The following PAX1 variants were observed in gnomAD, a reference collection of about 807,000 sequenced individuals.
PAX1 encodes the protein paired box 1, also known as paired box protein Pax-1.
A neutral mutation model predicts 35.6 loss-of-function variants in PAX1; 18 were observed. The ratio of observed to expected loss-of-function variants is 0.50; its 90% CI spans 0.35 to 0.75. The LOEUF (loss-of-function observed/expected upper bound fraction) is 0.75. Among genes scored for constraint, PAX1 ranks in the 30% least tolerant of loss-of-function variants. The probability of loss-of-function intolerance (pLI) is 0.01; values close to 1 mark genes in which losing one functional copy is unlikely to be tolerated. For synonymous variants in PAX1, 397 were observed against 305.2 expected, an observed-to-expected ratio of 1.30 and a Z score of -3.14; for missense variants, 760 against 661.5, an observed-to-expected ratio of 1.15 and a Z score of -1.63.
At chr20:21,713,378 T>TGTGTGTGTGTGTGTGTGTG (rs770998874) in intron 4 of PAX1, among the ~76,000 whole-genome samples, 41 of 138,050 alleles carry the variant, frequency 3.0e-4, no homozygotes, top group African/African-American at 1.1e-3. Context: ...GTTTTCTTTT[T>TGTGTGTGTGTGTGTGTGTG]TTTTTGTGTG....
rs1022244844 is a variant in PAX1, at chr20:21,714,358, C to G, written c.1283-113C>G. On this transcript the variant is annotated intron_variant, in intron 4 of 4. Coordinates refer to ENST00000613128, the MANE Select transcript of PAX1 (RefSeq NM_001257096.2). Reference sequence around the variant, plus strand: ...GAGTCTCTGCTTCACTCTTCCAGAGCCTTCAAGGGTTGAGCGCTCACGACC... The same window carrying G: ...GAGTCTCTGCTTCACTCTTCCAGAGGCTTCAAGGGTTGAGCGCTCACGACC... The G allele has an allele frequency of 6.8e-6, 5 of 735,412 alleles. No individual in the cohort carries two copies. In the South Asian group the frequency reaches 9.3e-5, roughly 14 times the overall value. The allele number at this position is 735,412 out of a possible 1,614,324, so 45.6% of individuals were successfully genotyped here. A position where few individuals can be genotyped will look rare whatever the true frequency, so the allele number is the denominator to read the frequency against.
chr20:21,708,600 T>C lies in PAX1; in HGVS notation c.959T>C (p.Met320Thr). The change falls in exon 3 of 5, where the codon ATG (methionine) becomes ACG (threonine). Residue 320 changes from methionine (M) to threonine (T), a missense_variant. Met to Thr is a moderately conservative substitution (Grantham distance 81). Around this residue, in one of 3 missense-constraint regions of PAX1, gnomAD observed 490 missense variants for 428.4 expected, o/e 1.14. Transcript: ENST00000613128. ...GSEGTAYSPK[M>T]EDWAGVNRTA... ...GAAGGCACCGCTTACTCTCCCAAGATGGAAGACTGGGCCGGCGTGAACCGC... is the reference window on the plus strand; with the variant it reads ...GAAGGCACCGCTTACTCTCCCAAGACGGAAGACTGGGCCGGCGTGAACCGC... 2.5e-6 allele frequency: 4 copies of C among 1,613,804 alleles called. No homozygotes were observed. The highest frequency in any genetic ancestry group is 3.4e-6 in the Non-Finnish European group (4 of 1,180,038).
intron 4 of PAX1, among the ~76,000 whole-genome samples, chr20:21,713,905 C>A (rs548571285): frequency 6.6e-6 from 1 of 152,374 alleles, no homozygotes; most frequent in Admixed American, 6.5e-5. Flanking sequence ...CTGCCTCCTA[C>A]GTCGGAGGAA....
Position 21,705,771 on chromosome 20 carries a change from C to G in PAX1, c.59C>G (p.Ala20Gly). The G allele has an allele frequency of 7.9e-7, 1 of 1,262,462 alleles. No homozygotes were observed. Among genetic ancestry groups the G allele is most frequent in the Non-Finnish European group, 1.0e-6 (1 of 1,003,110 alleles). 78.2% of individuals were successfully genotyped at this position (1,262,462 alleles called of 1,614,324 possible). ...RAWRVSWEGAAAAAAGPGAGG... is the reference protein window; with the variant it reads ...RAWRVSWEGAGAAAAGPGAGG... ...TGGAGAGTGTCCTGGGAGGGGGCAG[C>G]AGCGGCGGCGGCAGGCCCTGGAGCG... Residue 20 changes from alanine (A) to glycine (G), a missense_variant, in exon 1 of 5, where the codon GCA (alanine) becomes GGA (glycine). This residue lies in a region of PAX1 where 222 missense variants were observed against 153.0 expected (regional missense o/e 1.45). Transcript: ENST00000613128.
Position 21,714,492 on chromosome 20 carries a change from G to A in PAX1, c.1304G>A (p.Ser435Asn). Residue 435 changes from serine (S) to asparagine (N), a missense_variant, in exon 5 of 5, where the codon AGC becomes AAC. Coordinates refer to ENST00000613128, the MANE Select transcript of PAX1 (RefSeq NM_001257096.2). ...GCAGTGGCTGACAGGAAGCCTCCCA[G>A]CTCCGGCAGCAAGGCCCCGGACGCC... Reference protein sequence around the residue: ...SREVADRKPPSSGSKAPDALS... With the variant: ...SREVADRKPPNSGSKAPDALS... The A allele has an allele frequency of 6.3e-7, 1 of 1,588,268 alleles. No homozygotes were observed. The highest frequency in any genetic ancestry group is 8.6e-7 in the Non-Finnish European group (1 of 1,169,404).
intron 4 of PAX1, among the ~76,000 whole-genome samples, chr20:21,710,346 C>T (rs983601436): frequency 6.6e-6 from 1 of 152,142 alleles, no homozygotes; most frequent in African/African-American, 2.4e-5. Flanking sequence ...AAAGGAATGG[C>T]TTGATTTGCT....
At chr20:21,714,428 G>C in intron 4 of PAX1, 43 bp from the exon 5 acceptor site, 1 of 1,446,962 alleles carries the variant, frequency 6.9e-7, no homozygotes. Context: ...CGCACTGCGC[G>C]GCGCTAGGTA....
chr20:21,713,102 G>A (rs919505313), intron 4 of PAX1, among the ~76,000 whole-genome samples: 1 of 152,156 alleles, frequency 6.6e-6, no homozygotes. Flanking sequence ...GTCTTCCTGG[G>A]TGTTTATTTT....
In PAX1 at chr20:21,717,958, T is replaced by C. The variant is rs910972666; in HGVS notation, c.*3396T>C. 2.0e-5 allele frequency: 3 copies of C among 152,216 alleles called. No homozygotes were observed. The highest frequency in any genetic ancestry group is 7.2e-5 in the African/African-American group (3 of 41,452). 9.4% of individuals were successfully genotyped at this position (152,216 alleles called of 1,614,324 possible). ...AAAATATGTTTCTGTCTATGTGTTA[T>C]TTGAAAGTGCACACTAATGAGTTGT... On this transcript the variant is annotated 3_prime_UTR_variant, in exon 5 of 5. Transcript: ENST00000613128.
rs1985089984 is a variant in PAX1 at position 21,708,558 on chromosome 20, G to T, written c.917G>T (p.Gly306Val). The change falls in exon 3 of 5, where the codon GGG becomes GTG. Residue 306 changes from glycine to valine, a missense_variant and splice_region_variant. Physicochemically the swap from Gly to Val is moderately radical, Grantham distance 109 (BLOSUM62 -3). Around this residue, in one of 3 missense-constraint regions of PAX1, gnomAD observed 490 missense variants for 428.4 expected, o/e 1.14. Transcript: ENST00000613128. ...LGIRTFMEQTGALAGSEGTAY... is the reference protein window; with the variant it reads ...LGIRTFMEQTVALAGSEGTAY... ...TTAATCCGTCCTCTCTCTCCTGCAG[G>T]GGCCCTGGCTGGGAGCGAAGGCACC... 1.2e-6 allele frequency: 2 copies of T among 1,613,474 alleles called. No homozygotes were observed. The highest frequency in any genetic ancestry group is 2.7e-5 in the African/African-American group (2 of 74,920).
At chr20:21,709,133 A>G (rs1001227998) in intron 3 of PAX1, 89 bp from the exon 4 acceptor site, 3 of 1,011,024 alleles carry the variant, frequency 3.0e-6, no homozygotes, top group East Asian at 2.4e-5. Context: ...TGGGGGAGCG[A>G]TAATGGACGA....
intron 4 of PAX1, among the ~76,000 whole-genome samples, chr20:21,712,047 A>G (rs1389962549): frequency 6.6e-6 from 1 of 152,210 alleles, no homozygotes; most frequent in African/African-American, 2.4e-5. Context: ...GCAATTTAAT[A>G]CAATAAATGC....
chr20:21,709,462 T>A lies in PAX1; in HGVS notation c.1282+18T>A. The A allele has an allele frequency of 6.7e-7, 1 of 1,491,718 alleles. No homozygotes were observed. The allele number at this position is 1,491,718 out of a possible 1,614,324, so 92.4% of individuals were successfully genotyped here. On this transcript the variant is annotated intron_variant, in intron 4 of 4. Transcript: ENST00000613128. ...CCGAGAAGGTGAGGAGCGCAGGGAG[T>A]GGGGCGGGTGGATGCTGGAAGGGTT...
rs1180486729 is a variant in PAX1, at chr20:21,706,091, G to A, written c.286+93G>A. ...TCCCTCTCGTCCGCTTTCCCTGGGC[G>A]ACCCAGTCCTGGGTCCTGGAGAAGC... On this transcript the variant is annotated intron_variant, in intron 1 of 4. Transcript: ENST00000613128. The surrounding 1 kb of genome is among the most constrained non-coding windows in gnomAD (Gnocchi z 5.3). The A allele has an allele frequency of 9.2e-6, 10 of 1,091,072 alleles. No individual in the cohort carries two copies. Among genetic ancestry groups the A allele is most frequent in the Non-Finnish European group, 1.3e-5 (10 of 771,916 alleles). The allele number at this position is 1,091,072 out of a possible 1,614,324, so 67.6% of individuals were successfully genotyped here.
rs1005426742 is a variant in PAX1, at chr20:21,716,394, A to C, written c.*1832A>C. ...GGTCCCACCTAGGGGACTAGTGGTA[A>C]ACAGTTTTTGTTTCAACTCTTTTTG... On this transcript the variant is annotated 3_prime_UTR_variant, in exon 5 of 5. Coordinates refer to ENST00000613128, the MANE Select transcript of PAX1 (RefSeq NM_001257096.2). 6.6e-6 allele frequency: 1 copy of C among 152,112 alleles called. No individual in the cohort carries two copies. The highest frequency in any genetic ancestry group is 6.5e-5 in the Admixed American group (1 of 15,268). 9.4% of individuals were successfully genotyped at this position (152,112 alleles called of 1,614,324 possible).
At position 21,706,245 on chromosome 20, in the gene PAX1, G is replaced by A. The variant is rs1422590904; in HGVS notation, c.287-193G>A. ...TACAATGCGCCGCGCTCCACTCCGC[G>A]GCTCCTCTGCGCCCTTGCCCACTCC... is the stretch of plus-strand genomic sequence containing the variant. On this transcript the variant is annotated intron_variant, in intron 1 of 4. Coordinates refer to ENST00000613128, the MANE Select transcript of PAX1 (RefSeq NM_001257096.2). This position sits in a 1 kb window ranked among gnomAD's most constrained non-coding sequence, Gnocchi z 5.3. 2 of 827,068 alleles carry A rather than the reference G, an allele frequency of 2.4e-6. No individual in the cohort carries two copies. The highest frequency in any genetic ancestry group is 4.0e-6 in the Non-Finnish European group (2 of 497,818). The allele number at this position is 827,068 out of a possible 1,614,324, so 51.2% of individuals were successfully genotyped here. A position where few individuals can be genotyped will look rare whatever the true frequency, so the allele number is the denominator to read the frequency against.
intron 3 of PAX1, among the ~76,000 whole-genome samples, 186 bp downstream of exon 3, chr20:21,708,886 T>C (rs1429106404): frequency 1.3e-5 from 2 of 152,138 alleles, no homozygotes; most frequent in African/African-American, 2.4e-5. Context: ...AGTCTGACTT[T>C]AGAGGGGTTG....
In PAX1 at chr20:21,709,261, G is replaced by A; in HGVS notation, c.1099G>A (p.Ala367Thr). 1 of 1,606,374 alleles carries A rather than the reference G, an allele frequency of 6.2e-7. No homozygotes were observed. Among genetic ancestry groups the A allele is most frequent in the South Asian group, 1.1e-5 (1 of 91,070 alleles). The part of the protein sequence containing the change: ...TLSAVGGFLP[A>T]CAYPASNQHG... ...CTCTGCCGTGGGCGGCTTTCTCCCC[G>A]CCTGCGCCTACCCGGCCTCCAACCA... The change falls in exon 4 of 5, where the codon GCC (alanine) becomes ACC (threonine). Residue 367 changes from alanine to threonine, a missense_variant. Ala to Thr is a moderately conservative substitution (Grantham distance 58, BLOSUM62 0). Coordinates refer to ENST00000613128, the MANE Select transcript of PAX1 (RefSeq NM_001257096.2).
Position 21,705,942 on chromosome 20 carries a change from G to T in PAX1, c.230G>T (p.Ser77Ile). ...GCTCTCCCGGACTGCGCCGGGCCCAGCCCCGGCCACCCCGGCCACCCCGGC... is the reference window on the plus strand; with the variant it reads ...GCTCTCCCGGACTGCGCCGGGCCCATCCCCGGCCACCCCGGCCACCCCGGC... ...AQALPDCAGP[S>I]PGHPGHPGAR... The change falls in exon 1 of 5, where the codon AGC becomes ATC. Residue 77 changes from serine to isoleucine, a missense_variant. By Grantham distance (142) the Ser-to-Ile change is moderately radical (BLOSUM62 -2). Around this residue, in one of 3 missense-constraint regions of PAX1, gnomAD observed 222 missense variants for 153.0 expected, o/e 1.45. Transcript: ENST00000613128. The T allele has an allele frequency of 2.0e-6, 3 of 1,487,344 alleles. No individual in the cohort carries two copies. In the South Asian group the frequency reaches 3.8e-5, roughly 19 times the overall value. 92.1% of individuals were successfully genotyped at this position (1,487,344 alleles called of 1,614,324 possible).
Sources: allele counts gnomAD v4.1 joint callset (sites outside exome capture counted in the v4.1 genomes callset), GRCh38; gene constraint gnomAD v4.1.1; regional missense constraint gnomAD v4.1.1; non-coding constraint Gnocchi (gnomAD v3.1); transcripts MANE v1.5; gene names NCBI Gene and HGNC (gene_info 2026-07-23, HGNC 2026-07-21).